Variants in PDE4DIP observed in about 807,000 individuals in gnomAD.
PDE4DIP encodes the protein phosphodiesterase 4D interacting protein, also known as myomegalin.
A neutral mutation model predicts 221.4 loss-of-function variants in PDE4DIP; 59 were observed. The observed-to-expected ratio is 0.27, with a 90% CI of 0.22 to 0.33. The LOEUF is 0.33. Ranked by LOEUF, PDE4DIP falls within the 10% of genes least tolerant of loss-of-function variation. The probability of loss-of-function intolerance (pLI) is 1.00; values close to 1 mark genes in which losing one functional copy is unlikely to be tolerated. For synonymous variants in PDE4DIP, 404 were observed against 815.9 expected (o/e 0.50, Z 8.60); for missense variants, 1,036 against 2,154.2 (o/e 0.48, Z 10.28).
intron 1 of PDE4DIP, among the ~76,000 whole-genome samples, chr1:148,824,491 T>C (rs58034422): frequency 3.5e-5 from 3 of 85,438 alleles, no homozygotes; most frequent in East Asian, 3.0e-4. Flanking sequence ...GAGTACTAGA[T>C]CCATCCCAGA....
At chr1:149,010,943 C>A (rs2068423655) in intron 31 of PDE4DIP, among the ~76,000 whole-genome samples, 1 of 138,040 alleles carries the variant, frequency 7.2e-6, no homozygotes, top group Non-Finnish European at 1.5e-5. Flanking sequence ...AAATTCACAT[C>A]TGTTGATCCA....
chr1:149,028,786 T>C, intron 41 of PDE4DIP, 83 bp downstream of exon 44: 1 of 769,708 alleles, frequency 1.3e-6, no homozygotes, highest in South Asian at 1.7e-5. Flanking sequence ...GTCACAGCTT[T>C]TCCAGAAAAT....
In PDE4DIP at chr1:148,949,036, A is replaced by G. The variant is rs1381587069; in HGVS notation, c.636+11172A>G. Among the ~76,000 whole-genome samples the G allele has an allele frequency of 1.0e-3, 154 of 152,346 alleles. 2 individuals are homozygous for G. Among genetic ancestry groups the G allele is most frequent in the Admixed American group, 3.1e-3 (47 of 15,300 alleles). ...GCTTGTTTCACTTAAAATGTTTTCA[A>G]GATGTATCCACGTTGCATGTATCTG... On this transcript the variant is annotated intron_variant, in intron 5 of 43. Transcript: ENST00000369354.
intron 5 of PDE4DIP, among the ~76,000 whole-genome samples, chr1:148,948,355 T>A (rs1441426006): frequency 6.6e-6 from 1 of 152,010 alleles, no homozygotes; most frequent in South Asian, 2.1e-4. Flanking sequence ...GGTGTACATA[T>A]GCATATAAAA....
chr1:148,954,244 C>CT (rs11344031), intron 5 of PDE4DIP, among the ~76,000 whole-genome samples: 36 of 150,208 alleles, frequency 2.4e-4, no homozygotes, highest in East Asian at 5.8e-4. Flanking sequence ...CCTCTTACCT[C>CT]TTTTTTTTTT....
At chr1:148,978,702 C>A (rs587703597) in intron 19 of PDE4DIP, among the ~76,000 whole-genome samples, 8 of 152,132 alleles carry the variant, frequency 5.3e-5, no homozygotes, top group African/African-American at 1.7e-4. Flanking sequence ...CCTGCCTCAG[C>A]CTCCTGAGTA....
At chr1:148,905,179 T>C (rs1302782027) in intron 1 of PDE4DIP, among the ~76,000 whole-genome samples, 1 of 14,844 alleles carries the variant, frequency 6.7e-5, no homozygotes, top group Non-Finnish European at 1.6e-4. Context: ...CTCTTCTAGG[T>C]TTTTTTTTTT....
At chr1:148,820,173 C>T (rs1387608493) in intron 1 of PDE4DIP, among the ~76,000 whole-genome samples, 4 of 85,092 alleles carry the variant, frequency 4.7e-5, no homozygotes, top group Non-Finnish European at 9.5e-5. Context: ...ATGATCCGCC[C>T]GCCTCGGCCT....
intron 38 of PDE4DIP, among the ~76,000 whole-genome samples, chr1:149,025,408 A>G (rs1553626338): frequency 6.6e-6 from 1 of 151,886 alleles, no homozygotes; most frequent in Admixed American, 6.6e-5. Flanking sequence ...GAAGTCCTGG[A>G]TGGTGGGTGA....
chr1:149,031,424 C>T (rs1479771916), intron 43 of PDE4DIP, among the ~76,000 whole-genome samples: 1 of 151,814 alleles, frequency 6.6e-6, no homozygotes, highest in African/African-American at 2.4e-5. Flanking sequence ...GAGACTGCTG[C>T]ACCCTCATCT....
intron 5 of PDE4DIP, among the ~76,000 whole-genome samples, chr1:148,949,340 AAGT>A (rs1299328978): frequency 6.7e-6 from 1 of 149,854 alleles, no homozygotes; most frequent in African/African-American, 2.5e-5. Flanking sequence ...TTGTTTATAT[AAGT>A]TATCTTCTTA....
rs141066291 is a variant in PDE4DIP at position 148,961,837 on chromosome 1, A to T, written c.769A>T (p.Ile257Phe). 173 of 1,421,638 alleles carry T rather than the reference A, an allele frequency of 1.2e-4. 1 individual carries two copies. The African/African-American group carries it at 1.7e-3, about 14-fold the overall frequency. The allele number at this position is 1,421,638 out of a possible 1,614,324, so 88.1% of individuals were successfully genotyped here. ...AACTGTTTTTCTTTGCTGAATTCAG[A>T]TTCTTCAAGAGAAACTTAATGAAAT... is the stretch of plus-strand genomic sequence containing the variant. The change falls in exon 7 of 44, where the codon ATT becomes TTT. Residue 257 changes from isoleucine to phenylalanine, a missense_variant and splice_region_variant. Ile to Phe is a conservative substitution (Grantham distance 21). Transcript: ENST00000369354.
intron 1 of PDE4DIP, among the ~76,000 whole-genome samples, chr1:148,821,098 G>A (rs1425125777): frequency 6.7e-6 from 1 of 149,314 alleles, no homozygotes; most frequent in African/African-American, 2.5e-5. Flanking sequence ...TGATCCGCCC[G>A]CCTCGGCCTC....
chr1:149,005,405 G>A lies in PDE4DIP; in HGVS notation c.4383G>A (p.Leu1461=), dbSNP rs781807575. 4.3e-6 allele frequency: 7 copies of A among 1,609,752 alleles called. No individual in the cohort carries two copies. In the South Asian group the frequency reaches 7.7e-5, roughly 18 times the overall value. The stretch of plus-strand genomic sequence containing the variant: ...CAAAAAATGGACTAGAAGAGAAGCT[G>A]GCTGAGGAGCTGAGATCAGCCTCGT... The change falls in exon 27 of 44, where the codon CTG becomes CTA. Residue 1461 remains leucine (L), a synonymous_variant. Coordinates refer to ENST00000369354, the Ensembl canonical transcript of PDE4DIP.
At chr1:149,023,098 A>T (rs1278328022) in intron 37 of PDE4DIP, among the ~76,000 whole-genome samples, 1 of 152,284 alleles carries the variant, frequency 6.6e-6, no homozygotes, top group Non-Finnish European at 1.5e-5. Flanking sequence ...CTTTCCTTTC[A>T]TGCTTTTCTC....
chr1:148,905,178 GTTTT>G (rs56687289), intron 1 of PDE4DIP, among the ~76,000 whole-genome samples: 6 of 94,496 alleles, frequency 6.3e-5, no homozygotes, highest in Non-Finnish European at 6.1e-5. Context: ...TCTCTTCTAG[GTTTT>G]TTTTTTTTTT....
In PDE4DIP at chr1:148,922,674, G is replaced by A. The variant is rs1356577169; in HGVS notation, c.142-6523G>A. Among the ~76,000 whole-genome samples the A allele has an allele frequency of 8.5e-4, 127 of 149,420 alleles. 3 individuals are homozygous for A. The highest frequency in any genetic ancestry group is 1.6e-3 in the Non-Finnish European group (105 of 67,480). On this transcript the variant is annotated intron_variant, in intron 1 of 43. Coordinates refer to ENST00000369354, the Ensembl canonical transcript of PDE4DIP. ...GCGATCTCAGCGCATTGCAAGCTCCGACTCCTGGGTTCACACCGTTCTCCT... is the reference window on the plus strand; with the variant it reads ...GCGATCTCAGCGCATTGCAAGCTCCAACTCCTGGGTTCACACCGTTCTCCT...
At chr1:149,032,900 A>T (rs3734) in exon 44 of PDE4DIP, 45,361 of 204,938 alleles carry the variant, frequency 0.22, 5,111 homozygotes, top group Admixed American at 0.27. Context: ...TATGTTGCTA[A>T]CGCCATATAT....
intron 29 of PDE4DIP, 64 bp from the exon 33 acceptor site, chr1:149,009,504 A>T: frequency 9.6e-7 from 1 of 1,046,396 alleles, no homozygotes; most frequent in South Asian, 1.4e-5. Context: ...CCTATGAGCC[A>T]TAGTCAGGAC....
Sources: allele counts gnomAD v4.1 joint callset (sites outside exome capture counted in the v4.1 genomes callset), GRCh38; gene constraint gnomAD v4.1.1; transcripts MANE v1.5; gene names NCBI Gene and HGNC (gene_info 2026-07-23, HGNC 2026-07-21).